The following YAP1 variants were observed in gnomAD, a reference collection of about 807,000 sequenced individuals.
YAP1 encodes Yes1 associated transcriptional regulator.
YAP1 carries 5 observed loss-of-function variants against 56.9 expected under a neutral mutation model. That is an observed-to-expected ratio of 0.09 (90% CI 0.05 to 0.18). YAP1 has a LOEUF of 0.18. YAP1 is among the 10% of genes least tolerant of loss of function. The pLI, the probability that YAP1 is intolerant of heterozygous loss-of-function variation, is 1.00. For synonymous variants in YAP1, 265 were observed against 248.1 expected (o/e 1.07, Z -0.64); for missense variants, 539 against 651.8 (o/e 0.83, Z 1.88).
intron 2 of YAP1, among the ~76,000 whole-genome samples, chr11:102,139,060 T>C (rs1286264220): frequency 2.0e-5 from 3 of 152,138 alleles, no homozygotes; most frequent in African/African-American, 7.2e-5. Flanking sequence ...CAAGTTTTTT[T>C]TTTTTCTCTT....
At chr11:102,125,314 G>A (rs372526865) in intron 2 of YAP1, among the ~76,000 whole-genome samples, 16 of 150,364 alleles carry the variant, frequency 1.1e-4, no homozygotes, top group East Asian at 1.0e-3. Flanking sequence ...GAGCCAGTGC[G>A]CCTGGCCTGA....
At chr11:102,208,395 T>G (rs1345198158) in intron 5 of YAP1, among the ~76,000 whole-genome samples, 1 of 152,236 alleles carries the variant, frequency 6.6e-6, no homozygotes, top group Non-Finnish European at 1.5e-5. Context: ...TTAATTTGTC[T>G]ATTATCAGTT....
At chr11:102,123,026 T>A (rs1322432801) in intron 2 of YAP1, among the ~76,000 whole-genome samples, 1 of 152,116 alleles carries the variant, frequency 6.6e-6, no homozygotes, top group Non-Finnish European at 1.5e-5. Flanking sequence ...CTGGTACTTT[T>A]AAAAATTCCA....
intron 3 of YAP1, among the ~76,000 whole-genome samples, chr11:102,164,644 G>C (rs1804910822): frequency 6.6e-6 from 1 of 152,282 alleles, no homozygotes; most frequent in South Asian, 2.1e-4. Flanking sequence ...GATGGTGATG[G>C]TCTAGAGAAA....
intron 2 of YAP1, among the ~76,000 whole-genome samples, chr11:102,129,013 T>C (rs775775862): frequency 3.3e-5 from 5 of 152,116 alleles, no homozygotes; most frequent in Non-Finnish European, 7.4e-5. Flanking sequence ...CTCCTGACAC[T>C]GTCTCTTTCT....
intron 4 of YAP1, among the ~76,000 whole-genome samples, chr11:102,200,161 ATAGT>A (rs1207572627): frequency 3.9e-5 from 6 of 152,222 alleles, no homozygotes; most frequent in Non-Finnish European, 7.3e-5. Flanking sequence ...TAGTATAAGA[ATAGT>A]TAGATTAATA....
intron 2 of YAP1, among the ~76,000 whole-genome samples, chr11:102,145,192 T>C (rs1215206233): frequency 1.3e-5 from 2 of 152,200 alleles, no homozygotes; most frequent in Non-Finnish European, 2.9e-5. Context: ...TGTTGCCAAC[T>C]GAACCAAACC....
chr11:102,119,240 T>C (rs1205314477), intron 2 of YAP1, among the ~76,000 whole-genome samples: 1 of 152,046 alleles, frequency 6.6e-6, no homozygotes, highest in Non-Finnish European at 1.5e-5. Context: ...AGAAACTGTA[T>C]TCACCAGTGG....
At chr11:102,192,563 C>G (rs1393723258) in intron 4 of YAP1, among the ~76,000 whole-genome samples, 1 of 152,184 alleles carries the variant, frequency 6.6e-6, no homozygotes, top group East Asian at 1.9e-4. Flanking sequence ...GACCCAAGTT[C>G]TGCTATCACA....
intron 2 of YAP1, among the ~76,000 whole-genome samples, chr11:102,114,927 C>T (rs1358706157): frequency 6.6e-6 from 1 of 152,156 alleles, no homozygotes; most frequent in Non-Finnish European, 1.5e-5. Flanking sequence ...ACCAATATTT[C>T]CCCCCAAAAA....
chr11:102,129,777 G>T (rs1373668509), intron 2 of YAP1, among the ~76,000 whole-genome samples: 14 of 151,366 alleles, frequency 9.2e-5, no homozygotes. Flanking sequence ...AAATCTGTTG[G>T]GTGAAAAGGA....
At chr11:102,191,803 T>C (rs879914312) in intron 4 of YAP1, among the ~76,000 whole-genome samples, 2 of 152,130 alleles carry the variant, frequency 1.3e-5, no homozygotes, top group Non-Finnish European at 2.9e-5. Flanking sequence ...CGCCTGTAGC[T>C]GGGACTACAG....
chr11:102,178,653 C>G (rs1591330947), intron 3 of YAP1, among the ~76,000 whole-genome samples: 1 of 152,188 alleles, frequency 6.6e-6, no homozygotes, highest in African/African-American at 2.4e-5. Flanking sequence ...TCGCTTCCCT[C>G]AAGTTTAAGT....
chr11:102,162,395 A>C, intron 2 of YAP1, 61 bp from the exon 3 acceptor site: 2 of 1,436,646 alleles, frequency 1.4e-6, no homozygotes, highest in Non-Finnish European at 2.0e-6. Flanking sequence ...AGCCCACAAG[A>C]TAAGAATTGT....
At chr11:102,194,425 G>A (rs1195879325) in intron 4 of YAP1, among the ~76,000 whole-genome samples, 3 of 152,154 alleles carry the variant, frequency 2.0e-5, no homozygotes, top group African/African-American at 7.2e-5. Flanking sequence ...GCTTCAACTT[G>A]GAGATTCTCC....
At chr11:102,223,929 T>G (rs904012872) in intron 7 of YAP1, among the ~76,000 whole-genome samples, 177 bp downstream of exon 7, 4 of 152,224 alleles carry the variant, frequency 2.6e-5, no homozygotes, top group Non-Finnish European at 5.9e-5. Context: ...AGTTGTCTCC[T>G]GTGAGAGGAA....
intron 6 of YAP1, among the ~76,000 whole-genome samples, chr11:102,218,048 A>C (rs907663482): frequency 2.5e-4 from 38 of 152,298 alleles, no homozygotes; most frequent in Admixed American, 2.6e-4. Flanking sequence ...GTGTACACAC[A>C]TGTCAAAACT....
At chr11:102,127,676 G>A (rs893486282) in intron 2 of YAP1, among the ~76,000 whole-genome samples, 1 of 152,330 alleles carries the variant, frequency 6.6e-6, no homozygotes, top group East Asian at 1.9e-4. Flanking sequence ...TAGTGGAGCT[G>A]TGAGAAGAGA....
intron 6 of YAP1, among the ~76,000 whole-genome samples, chr11:102,213,667 T>C (rs1054106635): frequency 6.6e-6 from 1 of 152,196 alleles, no homozygotes; most frequent in African/African-American, 2.4e-5. Flanking sequence ...GTTGCTGTTA[T>C]TCTGCTCACA....
Sources: allele counts gnomAD v4.1 joint callset (sites outside exome capture counted in the v4.1 genomes callset), GRCh38; gene constraint gnomAD v4.1.1; transcripts MANE v1.5; gene names NCBI Gene and HGNC (gene_info 2026-07-23, HGNC 2026-07-21).